Variants in EFNA3 observed in about 807,000 individuals in gnomAD.
The protein encoded by EFNA3 is ephrin A3.
A neutral mutation model predicts 25.0 loss-of-function variants in EFNA3; 15 were observed. The ratio of observed to expected loss-of-function variants is 0.60; its 90% CI spans 0.40 to 0.92. The LOEUF (loss-of-function observed/expected upper bound fraction) is 0.92, where lower values mean the gene tolerates loss of function less well. EFNA3 is among the 40% of genes least tolerant of loss of function. EFNA3 has a pLI of 0.00. For missense variants in EFNA3, 298 were observed against 323.8 expected (o/e 0.92, Z 0.61); for synonymous variants, 153 against 145.6 (o/e 1.05, Z -0.37).
chr1:155,079,307 GC>G lies in EFNA3; in HGVS notation c.128+244del, dbSNP rs1663298137. 1.3e-5 allele frequency among the ~76,000 whole-genome samples: 2 copies of G among 152,156 alleles called. No homozygotes were observed. The highest frequency in any genetic ancestry group is 3.9e-4 in the East Asian group (2 of 5,178). ...CCGTGTGGAGGAGGCTGCTGGAGGG[GC>G]CCCCCACCCCATCTTGGCTTCTCTC... On this transcript the variant is annotated intron_variant, in intron 1 of 4. Coordinates refer to ENST00000368408, the MANE Select transcript of EFNA3 (RefSeq NM_004952.5). The surrounding 1 kb of genome is among the most constrained non-coding windows in gnomAD (Gnocchi z 7.7).
chr1:155,086,325 A>C, intron 4 of EFNA3, 88 bp from the exon 5 acceptor site: 2 of 1,594,474 alleles, frequency 1.3e-6, no homozygotes, highest in Non-Finnish European at 1.7e-6. Context: ...GTGGGTGGTC[A>C]CGTCCCTGGC....
rs1023634280 is a variant in EFNA3, at chr1:155,080,261, C to G, written c.128+1192C>G. Among the ~76,000 whole-genome samples the G allele has an allele frequency of 6.6e-6, 1 of 152,046 alleles. No homozygotes were observed. The highest frequency in any genetic ancestry group is 2.4e-5 in the African/African-American group (1 of 41,390). On this transcript the variant is annotated intron_variant, in intron 1 of 4. Transcript: ENST00000368408. This position sits in a 1 kb window ranked among gnomAD's most constrained non-coding sequence, Gnocchi z 7.0. ...GGGGACCGGGAGGGCCGGGCGGCCG[C>G]GACCCCCAACCTCTCGGAGGAGGGG... is the stretch of plus-strand genomic sequence containing the variant.
chr1:155,086,638 C>A lies in EFNA3; in HGVS notation c.*95C>A. 1 of 1,481,026 alleles carries A rather than the reference C, an allele frequency of 6.8e-7. No individual in the cohort carries two copies. Among genetic ancestry groups the A allele is most frequent in the Non-Finnish European group, 9.1e-7 (1 of 1,098,656 alleles). 91.7% of individuals were successfully genotyped at this position (1,481,026 alleles called of 1,614,324 possible). ...CCAAGGGAAGCCTAGTGGGCCTAGA[C>A]CCCTCCTCCCATGGCTAGAAGTGGG... On this transcript the variant is annotated 3_prime_UTR_variant, in exon 5 of 5. Coordinates refer to ENST00000368408, the MANE Select transcript of EFNA3 (RefSeq NM_004952.5).
Position 155,084,631 on chromosome 1 carries a change from C to CG in EFNA3, c.129-458dup, listed in dbSNP as rs1304403003. On this transcript the variant is annotated intron_variant, in intron 1 of 4. Transcript: ENST00000368408. ...AGCGATGGAGGGTGTGTGCGTCCCT[C>CG]GGAGGGGATCCCTCCCACGTTCACC... is the stretch of plus-strand genomic sequence containing the variant. 7.2e-5 allele frequency among the ~76,000 whole-genome samples: 11 copies of CG among 152,328 alleles called. No individual in the cohort carries two copies. In the South Asian group the frequency reaches 2.3e-3, roughly 32 times the overall value.
rs548390195 is a variant in EFNA3, at chr1:155,079,599, G to A, written c.128+530G>A. Among the ~76,000 whole-genome samples the A allele has an allele frequency of 6.6e-6, 1 of 152,196 alleles. No homozygotes were observed. The highest frequency in any genetic ancestry group is 1.5e-5 in the Non-Finnish European group (1 of 68,022). ...TGGTTGTGTGGATAAGCCCGGCTAG[G>A]GTGAGCTAGGGCTGGGTCGCTGAGT... On this transcript the variant is annotated intron_variant, in intron 1 of 4. Coordinates refer to ENST00000368408, the MANE Select transcript of EFNA3 (RefSeq NM_004952.5). This position sits in a 1 kb window ranked among gnomAD's most constrained non-coding sequence, Gnocchi z 7.7.
chr1:155,082,523 C>CGA (rs1039602155), intron 1 of EFNA3, among the ~76,000 whole-genome samples: 1 of 152,064 alleles, frequency 6.6e-6, no homozygotes, highest in African/African-American at 2.4e-5. Context: ...GCACTGAAAG[C>CGA]GAGAGAGAGG....
In EFNA3 at chr1:155,086,411, A is replaced by C. The variant is rs149731479; in HGVS notation, c.587-2A>C. On this transcript the variant is annotated splice_acceptor_variant, in intron 4 of 4. Transcript: ENST00000368408. LOFTEE classifies it high-confidence loss of function. ...CCAGTCTGTCTGTTCCTCTGTCCAC[A>C]GAAGACTTTGAGGGAGAGAACCCTC... The C allele has an allele frequency of 8.7e-5, 140 of 1,613,818 alleles. No individual in the cohort carries two copies. The highest frequency in any genetic ancestry group is 2.0e-5 in the Non-Finnish European group (24 of 1,179,902).
At position 155,085,460 on chromosome 1, in the gene EFNA3, G is replaced by T; in HGVS notation, c.442+56G>T. The T allele has an allele frequency of 1.4e-6, 2 of 1,465,810 alleles. No individual in the cohort carries two copies. The highest frequency in any genetic ancestry group is 1.8e-6 in the Non-Finnish European group (2 of 1,101,530). 90.8% of individuals were successfully genotyped at this position (1,465,810 alleles called of 1,614,324 possible). A position where few individuals can be genotyped will look rare whatever the true frequency, so the allele number is the denominator to read the frequency against. On this transcript the variant is annotated intron_variant, in intron 2 of 4. Transcript: ENST00000368408. This position sits in a 1 kb window ranked among gnomAD's most constrained non-coding sequence, Gnocchi z 4.4. ...GAACGCGAGAGTCTGAGTGACAGCC[G>T]GGGGGTGGAGCCCCTAGGCTCCGGG...
rs956193777 is a variant in EFNA3, at chr1:155,081,991, C to T, written c.128+2922C>T. ...CGGAGGTGTCGGGCGCGCTGATTCT[C>T]CCCCACCCGACGCGGCCCAGGGAAG... On this transcript the variant is annotated intron_variant, in intron 1 of 4. Coordinates refer to ENST00000368408, the MANE Select transcript of EFNA3 (RefSeq NM_004952.5). The surrounding 1 kb of genome is among the most constrained non-coding windows in gnomAD (Gnocchi z 5.2). 1.3e-5 allele frequency among the ~76,000 whole-genome samples: 2 copies of T among 152,138 alleles called. No homozygotes were observed. Among genetic ancestry groups the T allele is most frequent in the Non-Finnish European group, 2.9e-5 (2 of 68,002 alleles).
chr1:155,079,087 G>C lies in EFNA3; in HGVS notation c.128+18G>C, dbSNP rs891519627. The C allele has an allele frequency of 8.1e-5, 106 of 1,311,586 alleles. No individual in the cohort carries two copies. Among genetic ancestry groups the C allele is most frequent in the Non-Finnish European group, 9.6e-5 (98 of 1,022,738 alleles). 81.2% of individuals were successfully genotyped at this position (1,311,586 alleles called of 1,614,324 possible). On this transcript the variant is annotated intron_variant, in intron 1 of 4. Coordinates refer to ENST00000368408, the MANE Select transcript of EFNA3 (RefSeq NM_004952.5). The surrounding 1 kb of genome is among the most constrained non-coding windows in gnomAD (Gnocchi z 7.7). ...AACCAGCAGTGAGTCGGGGACCCTG[G>C]GAGTCCGCGCGTCCCGTCTCAGTGA...
rs751003805 is a variant in EFNA3 at position 155,086,157 on chromosome 1, A to G, written c.538A>G (p.Thr180Ala). ...TSHSGEKPVP[T>A]LPQFTMGPNV... is the part of the protein sequence containing the mutation. ...GCACTCCGGGGAGAAGCCGGTCCCC[A>G]CTCTCCCCCAGTTCACCATGGGCCC... Residue 180 changes from threonine to alanine, a missense_variant, in exon 4 of 5, where the codon ACT becomes GCT. Thr to Ala is a moderately conservative substitution (Grantham distance 58). Transcript: ENST00000368408. 3 of 1,442,566 alleles carry G rather than the reference A, an allele frequency of 2.1e-6. No individual in the cohort carries two copies. In the South Asian group the frequency reaches 3.4e-5, roughly 16 times the overall value. 89.4% of individuals were successfully genotyped at this position (1,442,566 alleles called of 1,614,324 possible). A position where few individuals can be genotyped will look rare whatever the true frequency, so the allele number is the denominator to read the frequency against.
chr1:155,085,361 T>G lies in EFNA3; in HGVS notation c.399T>G (p.Ser133=), dbSNP rs77832800. Residue 133 remains serine, a synonymous_variant, in exon 2 of 5, where the codon TCT becomes TCG. Transcript: ENST00000368408. This position sits in a 1 kb window ranked among gnomAD's most constrained non-coding sequence, Gnocchi z 4.4. The part of the protein sequence containing the change: ...SEKFQRYSAF[S]LGYEFHAGHE... Reference sequence around the variant, plus strand: ...AGTTCCAGCGCTACAGCGCCTTCTCTCTGGGCTACGAGTTCCACGCCGGCC... The same window carrying G: ...AGTTCCAGCGCTACAGCGCCTTCTCGCTGGGCTACGAGTTCCACGCCGGCC... 4.4e-3 allele frequency: 7,051 copies of G among 1,612,022 alleles called. 273 individuals are homozygous for G. The African/African-American group carries it at 0.081, about 18-fold the overall frequency.
Position 155,085,972 on chromosome 1 carries a change from C to T in EFNA3, c.508+30C>T, listed in dbSNP as rs1226238348. 3 of 1,593,500 alleles carry T rather than the reference C, an allele frequency of 1.9e-6. No homozygotes were observed. The highest frequency in any genetic ancestry group is 2.7e-5 in the African/African-American group (2 of 74,054). Reference sequence around the variant, plus strand: ...GTAGAATAGGCTCCGAGCCGCGCCCCCATCCTCAGCTCCCTGCTTTGGGGC... The same window carrying T: ...GTAGAATAGGCTCCGAGCCGCGCCCTCATCCTCAGCTCCCTGCTTTGGGGC... On this transcript the variant is annotated intron_variant, in intron 3 of 4. Coordinates refer to ENST00000368408, the MANE Select transcript of EFNA3 (RefSeq NM_004952.5). This position sits in a 1 kb window ranked among gnomAD's most constrained non-coding sequence, Gnocchi z 4.4.
In EFNA3 at chr1:155,086,786, T is replaced by TTGGGG. The variant is rs1663474415; in HGVS notation, c.*243_*244insTGGGG. 2.0e-6 allele frequency: 1 copy of TTGGGG among 488,762 alleles called. No individual in the cohort carries two copies. The highest frequency in any genetic ancestry group is 3.7e-5 in the East Asian group (1 of 27,114). The allele number at this position is 488,762 out of a possible 1,614,324, so 30.3% of individuals were successfully genotyped here. A position where few individuals can be genotyped will look rare whatever the true frequency, so the allele number is the denominator to read the frequency against. ...GCCTTGTGGCTCTGGTAATGTTTGG[T>TTGGGG]ACCAAACTTGGGGGCCAAAAAGGGC... is the stretch of plus-strand genomic sequence containing the variant. On this transcript the variant is annotated 3_prime_UTR_variant, in exon 5 of 5. Transcript: ENST00000368408.
At chr1:155,083,746 G>A (rs1663386955) in intron 1 of EFNA3, among the ~76,000 whole-genome samples, 1 of 152,180 alleles carries the variant, frequency 6.6e-6, no homozygotes, top group Non-Finnish European at 1.5e-5. Flanking sequence ...ACTGTTTGGG[G>A]AACTGGGTGG....
Position 155,085,198 on chromosome 1 carries a change from C to T in EFNA3, c.236C>T (p.Pro79Leu), listed in dbSNP as rs770331893. ...GTGGGCCCCGGGGCGGGACCGGGGC[C>T]CGGAGGCGGGGCAGAGCAGTACGTG... Reference protein sequence around the residue: ...SGVGPGAGPGPGGGAEQYVLY... With the variant: ...SGVGPGAGPGLGGGAEQYVLY... Residue 79 changes from proline (P) to leucine (L), a missense_variant, in exon 2 of 5, where the codon CCC becomes CTC. Physicochemically the swap from Pro to Leu is moderately conservative, Grantham distance 98. Transcript: ENST00000368408. This position sits in a 1 kb window ranked among gnomAD's most constrained non-coding sequence, Gnocchi z 4.4. The T allele has an allele frequency of 6.2e-7, 1 of 1,612,852 alleles. No homozygotes were observed. The highest frequency in any genetic ancestry group is 8.5e-7 in the Non-Finnish European group (1 of 1,179,830).
rs556364621 is a variant in EFNA3, at chr1:155,079,084, C to T, written c.128+15C>T. The stretch of plus-strand genomic sequence containing the variant: ...TCCAACCAGCAGTGAGTCGGGGACC[C>T]TGGGAGTCCGCGCGTCCCGTCTCAG... On this transcript the variant is annotated intron_variant, in intron 1 of 4. Coordinates refer to ENST00000368408, the MANE Select transcript of EFNA3 (RefSeq NM_004952.5). The surrounding 1 kb of genome is among the most constrained non-coding windows in gnomAD (Gnocchi z 7.7). The T allele has an allele frequency of 7.6e-7, 1 of 1,313,250 alleles. No homozygotes were observed. The highest frequency in any genetic ancestry group is 4.1e-5 in the Admixed American group (1 of 24,352). The allele number at this position is 1,313,250 out of a possible 1,614,324, so 81.3% of individuals were successfully genotyped here. A position where few individuals can be genotyped will look rare whatever the true frequency, so the allele number is the denominator to read the frequency against.
rs1287770685 is a variant in EFNA3 at position 155,079,155 on chromosome 1, G to A, written c.128+86G>A. 1 of 1,260,924 alleles carries A rather than the reference G, an allele frequency of 7.9e-7. No individual in the cohort carries two copies. The highest frequency in any genetic ancestry group is 1.0e-6 in the Non-Finnish European group (1 of 991,722). 78.1% of individuals were successfully genotyped at this position (1,260,924 alleles called of 1,614,324 possible). A position where few individuals can be genotyped will look rare whatever the true frequency, so the allele number is the denominator to read the frequency against. ...CCCGAGAAGTCCTGGGGGATCCCGG[G>A]GTGGGAGTCCTGGGAGACCAGAGCT... On this transcript the variant is annotated intron_variant, in intron 1 of 4. Transcript: ENST00000368408. This position sits in a 1 kb window ranked among gnomAD's most constrained non-coding sequence, Gnocchi z 7.7.
rs963294908 is a variant in EFNA3 at position 155,079,168 on chromosome 1, G to A, written c.128+99G>A. 6.0e-5 allele frequency: 74 copies of A among 1,232,580 alleles called. No homozygotes were observed. The highest frequency in any genetic ancestry group is 7.1e-5 in the Non-Finnish European group (69 of 968,208). The allele number at this position is 1,232,580 out of a possible 1,614,324, so 76.4% of individuals were successfully genotyped here. A position where few individuals can be genotyped will look rare whatever the true frequency, so the allele number is the denominator to read the frequency against. ...GGGGGATCCCGGGGTGGGAGTCCTG[G>A]GAGACCAGAGCTGGGGGCTGGGAGG... On this transcript the variant is annotated intron_variant, in intron 1 of 4. Coordinates refer to ENST00000368408, the MANE Select transcript of EFNA3 (RefSeq NM_004952.5). The surrounding 1 kb of genome is among the most constrained non-coding windows in gnomAD (Gnocchi z 7.7).
Sources: allele counts gnomAD v4.1 joint callset (sites outside exome capture counted in the v4.1 genomes callset), GRCh38; gene constraint gnomAD v4.1.1; non-coding constraint Gnocchi (gnomAD v3.1); transcripts MANE v1.5; gene names NCBI Gene and HGNC (gene_info 2026-07-23, HGNC 2026-07-21).